TNIP3: variants seen among roughly 807,000 people sequenced by gnomAD.
TNIP3 encodes TNFAIP3-interacting protein 3.
A neutral mutation model predicts 54.1 loss-of-function variants in TNIP3; 34 were observed. The observed-to-expected ratio is 0.63, with a 90% confidence interval of 0.48 to 0.84. TNIP3 has a LOEUF of 0.84. Ranked by LOEUF, TNIP3 falls within the 40% of genes least tolerant of loss-of-function variation. The pLI, the probability that TNIP3 is intolerant of heterozygous loss-of-function variation, is 0.00. For synonymous variants in TNIP3, 134 were observed against 136.8 expected (o/e 0.98, Z 0.14); for missense variants, 366 against 387.6 (o/e 0.94, Z 0.47).
At chr4:121,150,673 C>T (rs1292658424) in intron 5 of TNIP3, among the ~76,000 whole-genome samples, 1 of 152,150 alleles carries the variant, frequency 6.6e-6, no homozygotes, top group Non-Finnish European at 1.5e-5. Flanking sequence ...TGAGAATTTG[C>T]ATTTCTCAGA....
chr4:121,221,206 C>T (rs12511821), upstream of TNIP3, among the ~76,000 whole-genome samples: 122,487 of 152,136 alleles, frequency 0.81, 49,556 homozygotes, highest in South Asian at 0.91. Context: ...TAGTATAAAA[C>T]CTTGGTTATG....
rs985831359 is a variant in TNIP3, at chr4:121,180,715, T to C, written c.189+1961A>G. On this transcript the variant is annotated intron_variant, in intron 3 of 12. Coordinates refer to the TNIP3 transcript ENST00000507879. ...TGAGAGGTGATGGAGAGATTAGAGA[T>C]ACAGGAACCCCCACACTGTTAAGTG... 7.2e-5 allele frequency among the ~76,000 whole-genome samples: 11 copies of C among 152,168 alleles called. No homozygotes were observed. The South Asian group carries it at 1.5e-3, about 20-fold the overall frequency.
chr4:121,188,657 G>A (rs1417411469), intron 2 of TNIP3, among the ~76,000 whole-genome samples: 5 of 152,132 alleles, frequency 3.3e-5, no homozygotes, highest in African/African-American at 1.2e-4. Context: ...AATCCAAAAT[G>A]TTATGGTTTA....
In TNIP3 at chr4:121,183,822, C is replaced by A. The variant is rs994913374; in HGVS notation, c.69-1026G>T. Among the ~76,000 whole-genome samples the A allele has an allele frequency of 2.0e-5, 3 of 152,148 alleles. No homozygotes were observed. The South Asian group carries it at 6.2e-4, about 32-fold the overall frequency. On this transcript the variant is annotated intron_variant, in intron 2 of 12. Coordinates refer to the TNIP3 transcript ENST00000507879. ...ATCTGTCACTGTTTCCCATCACCCC[C>A]AGATGGGACCATCTAGTTGCAGAAA...
At chr4:121,187,928 A>G (rs1302035354) in intron 2 of TNIP3, among the ~76,000 whole-genome samples, 1 of 152,068 alleles carries the variant, frequency 6.6e-6, no homozygotes, top group Non-Finnish European at 1.5e-5. Flanking sequence ...CACTTTTACT[A>G]TGTTTTCTTT....
intron 1 of TNIP3, chr4:121,227,365 C>T (rs1250836945): frequency 3.3e-5 from 50 of 1,534,522 alleles, no homozygotes; most frequent in African/African-American, 5.5e-5. Context: ...AGTAAAGGCA[C>T]AAGACATTAT....
chr4:121,159,960 AT>A (rs1730346848), intron 2 of TNIP3, among the ~76,000 whole-genome samples: 1 of 152,222 alleles, frequency 6.6e-6, no homozygotes, highest in Non-Finnish European at 1.5e-5. Flanking sequence ...GGTAACTCTT[AT>A]GCTGAAAATA....
intron 2 of TNIP3, among the ~76,000 whole-genome samples, chr4:121,212,019 G>A (rs1579501669): frequency 6.6e-6 from 1 of 152,288 alleles, no homozygotes; most frequent in Non-Finnish European, 1.5e-5. Context: ...AAAATGCTAA[G>A]TTGATTCTTG....
At chr4:121,161,327 A>T (rs111726360) in intron 1 of TNIP3, 111 bp from the exon 2 acceptor site, 40 of 696,456 alleles carry the variant, frequency 5.7e-5, no homozygotes, top group Non-Finnish European at 8.4e-5. Flanking sequence ...TTGCGATTTA[A>T]AAAATACCTG....
rs1229564477 is a variant in TNIP3, at chr4:121,147,129, C to T, written c.655G>A (p.Glu219Lys). ...TCCTCTTTCTCTTGATTAAGTCTCT[C>T]TCGATCCGATCGTTCCTTTTTGAAG... ...EDFKKERSDRERLNQEKEELQ... is the reference protein window; with the variant it reads ...EDFKKERSDRKRLNQEKEELQ... The change falls in exon 7 of 11, where the codon GAG becomes AAG. Residue 219 changes from glutamate to lysine, a missense_variant. Transcript: ENST00000057513. 2 of 1,613,244 alleles carry T rather than the reference C, an allele frequency of 1.2e-6. No individual in the cohort carries two copies. The highest frequency in any genetic ancestry group is 1.7e-6 in the Non-Finnish European group (2 of 1,179,568).
At chr4:121,153,826 T>G (rs186668432) in intron 5 of TNIP3, among the ~76,000 whole-genome samples, 1 of 152,294 alleles carries the variant, frequency 6.6e-6, no homozygotes, top group Admixed American at 6.5e-5. Flanking sequence ...TTCTGTTGCT[T>G]TTATCATGAA....
intron 2 of TNIP3, among the ~76,000 whole-genome samples, chr4:121,202,908 C>A (rs890295392): frequency 2.6e-5 from 4 of 151,832 alleles, no homozygotes; most frequent in East Asian, 3.9e-4. Flanking sequence ...TGGCCATAAT[C>A]AAAAAAATCA....
chr4:121,138,476 C>T, intron 10 of TNIP3, 148 bp downstream of exon 10: 1 of 687,782 alleles, frequency 1.5e-6, no homozygotes. Flanking sequence ...AATTTAACCC[C>T]AGGTGCATCA....
intron 10 of TNIP3, chr4:121,138,024 A>G (rs1388162457): frequency 2.2e-6 from 1 of 451,716 alleles, no homozygotes; most frequent in South Asian, 1.6e-5. Flanking sequence ...TTCTAGAAAG[A>G]AAACAGAAAA....
At chr4:121,164,759 G>C (rs1307936932), upstream of TNIP3, among the ~76,000 whole-genome samples, 3 of 152,118 alleles carry the variant, frequency 2.0e-5, no homozygotes, top group African/African-American at 7.2e-5. Context: ...TCATTGTAAA[G>C]AAAATGGGCA....
chr4:121,140,104 G>A (rs1729026024), intron 9 of TNIP3, among the ~76,000 whole-genome samples: 1 of 152,116 alleles, frequency 6.6e-6, no homozygotes, highest in Admixed American at 6.5e-5. Context: ...GGGAGGCCAA[G>A]GTGGGCGGAT....
chr4:121,167,345 T>C (rs1439121577), upstream of TNIP3, among the ~76,000 whole-genome samples: 1 of 152,128 alleles, frequency 6.6e-6, no homozygotes, highest in Non-Finnish European at 1.5e-5. Context: ...CTGTAAGAAT[T>C]CAGAGGAGAG....
upstream of TNIP3, among the ~76,000 whole-genome samples, chr4:121,217,689 A>G (rs1726858451): frequency 6.6e-6 from 1 of 152,226 alleles, no homozygotes; most frequent in South Asian, 2.1e-4. Context: ...GAGGAAACCA[A>G]GTGATAACCA....
intron 10 of TNIP3, among the ~76,000 whole-genome samples, chr4:121,136,376 T>C (rs1207142566): frequency 6.6e-6 from 1 of 152,190 alleles, no homozygotes; most frequent in African/African-American, 2.4e-5. Flanking sequence ...TACTATATAA[T>C]TCAAACCATA....
Sources: gnomAD v4.1 joint callset for allele counts (sites outside exome capture counted in the v4.1 genomes callset) on GRCh38, gnomAD v4.1.1 for gene constraint, MANE v1.5 for transcripts, NCBI Gene and HGNC (gene_info 2026-07-23, HGNC 2026-07-21) for gene names.